The following TNS3 variants were observed in gnomAD, a reference collection of about 807,000 sequenced individuals.
TNS3 encodes the protein tensin-3.
In TNS3, 45 loss-of-function variants were observed where a neutral mutation model predicts 140.9. That is an observed-to-expected ratio of 0.32 (90% CI 0.25 to 0.41). TNS3 has a LOEUF of 0.41. Ranked by LOEUF, TNS3 falls within the 10% of genes least tolerant of loss-of-function variation. The probability of loss-of-function intolerance (pLI) is 1.00; values close to 1 mark genes in which losing one functional copy is unlikely to be tolerated. For missense variants in TNS3, 1,716 were observed against 1,906.7 expected, an observed-to-expected ratio of 0.90 and a Z score of 1.86; for synonymous variants, 815 against 788.4, an observed-to-expected ratio of 1.03 and a Z score of -0.56.
chr7:47,452,480 T>C (rs1796058356), intron 4 of TNS3, among the ~76,000 whole-genome samples: 1 of 152,212 alleles, frequency 6.6e-6, no homozygotes, highest in Non-Finnish European at 1.5e-5. Flanking sequence ...CATTTTACCT[T>C]CATGTTCAAC....
intron 2 of TNS3, among the ~76,000 whole-genome samples, chr7:47,510,357 A>T (rs1470847293): frequency 2.0e-5 from 3 of 152,198 alleles, no homozygotes; most frequent in African/African-American, 7.2e-5. Flanking sequence ...TTTGACCCTC[A>T]GCCAGGCAGA....
At chr7:47,513,296 G>T (rs1798670631) in intron 2 of TNS3, among the ~76,000 whole-genome samples, 1 of 151,972 alleles carries the variant, frequency 6.6e-6, no homozygotes, top group Admixed American at 6.6e-5. Context: ...CAGCCTCTAG[G>T]GTAGCTGGGA....
chr7:47,577,769 G>A (rs1381358923), intron 1 of TNS3, among the ~76,000 whole-genome samples: 6 of 152,144 alleles, frequency 3.9e-5, no homozygotes, highest in South Asian at 2.1e-4. Flanking sequence ...TGTTAGCCGC[G>A]TTATTAGGCT....
intron 18 of TNS3, 91 bp downstream of exon 18, chr7:47,346,096 A>G: frequency 6.6e-7 from 1 of 1,517,604 alleles, no homozygotes; most frequent in Non-Finnish European, 9.0e-7. Flanking sequence ...ATTCAGGGAC[A>G]AGGCCTGGTC....
At chr7:47,460,858 A>G (rs912932866) in intron 4 of TNS3, among the ~76,000 whole-genome samples, 4 of 152,260 alleles carry the variant, frequency 2.6e-5, no homozygotes, top group African/African-American at 4.8e-5. Flanking sequence ...CAAGATATCC[A>G]ACTACTTTCA....
chr7:47,367,038 G>A (rs1388694249), intron 17 of TNS3, among the ~76,000 whole-genome samples: 1 of 152,174 alleles, frequency 6.6e-6, no homozygotes, highest in African/African-American at 2.4e-5. Flanking sequence ...AATGTGGGAG[G>A]CCCTGGCACC....
chr7:47,554,047 C>T lies in TNS3; in HGVS notation c.-264-24900G>A, dbSNP rs530877946. Among the ~76,000 whole-genome samples the T allele has an allele frequency of 3.4e-3, 519 of 151,554 alleles. 5 individuals carry two copies. Among genetic ancestry groups the T allele is most frequent in the Non-Finnish European group, 5.0e-3 (340 of 67,854 alleles). ...CTCGAACGCCTGACCTCAGGTGATC[C>T]GCCCACCTCGGCCTCCCAAAGTGCT... On this transcript the variant is annotated intron_variant, in intron 1 of 30. Transcript: ENST00000311160.
In TNS3 at chr7:47,278,261, A is replaced by G. The variant is rs78924787; in HGVS notation, c.4194-41T>C. ...CCAGTCAGAGTGGTCAGTGTCCCAC[A>G]AAGTACCAAGCTTCTACTTCCTCCA... On this transcript the variant is annotated intron_variant, in intron 30 of 30. Coordinates refer to ENST00000311160, the MANE Select transcript of TNS3 (RefSeq NM_022748.12). The G allele has an allele frequency of 6.5e-4, 1,029 of 1,593,238 alleles. 17 individuals are homozygous for G. The East Asian group carries it at 0.021, about 33-fold the overall frequency.
chr7:47,492,339 C>T (rs900508083), intron 3 of TNS3, among the ~76,000 whole-genome samples: 1 of 152,262 alleles, frequency 6.6e-6, no homozygotes, highest in Non-Finnish European at 1.5e-5. Context: ...AGCCGCATAT[C>T]GGCAGGCTGC....
chr7:47,533,429 C>CCT (rs531596121), intron 1 of TNS3, among the ~76,000 whole-genome samples: 44,117 of 143,888 alleles, frequency 0.31, 6,800 homozygotes, highest in East Asian at 0.47. Flanking sequence ...CGCACCTGGC[C>CCT]TTTTTTTTTT....
intron 3 of TNS3, among the ~76,000 whole-genome samples, chr7:47,498,883 C>T (rs994843418): frequency 3.9e-5 from 6 of 152,218 alleles, no homozygotes; most frequent in Non-Finnish European, 8.8e-5. Flanking sequence ...CCGCAGATGC[C>T]GAGACGGTGC....
intron 1 of TNS3, among the ~76,000 whole-genome samples, chr7:47,576,263 T>C (rs1800672965): frequency 6.6e-6 from 1 of 152,062 alleles, no homozygotes; most frequent in African/African-American, 2.4e-5. Context: ...AGGACCAAAG[T>C]ACACTGGGCC....
intron 8 of TNS3, 93 bp from the exon 9 acceptor site, chr7:47,428,469 T>G (rs1794768504): frequency 1.1e-6 from 1 of 923,732 alleles, no homozygotes; most frequent in Non-Finnish European, 1.5e-6. Context: ...GACAAAACAA[T>G]AGAGAGCCTG....
intron 4 of TNS3, among the ~76,000 whole-genome samples, chr7:47,472,487 C>G (rs746155896): frequency 1.3e-5 from 2 of 152,162 alleles, no homozygotes; most frequent in Admixed American, 1.3e-4. Flanking sequence ...GAGAAAGGCA[C>G]GTGCACAGGG....
intron 1 of TNS3, among the ~76,000 whole-genome samples, chr7:47,547,116 G>C (rs553785906): frequency 4.9e-4 from 74 of 152,328 alleles, no homozygotes; most frequent in African/African-American, 1.7e-3. Context: ...AGGGAGCAGA[G>C]AGAAGATAAA....
chr7:47,464,167 C>T (rs916247420), intron 4 of TNS3, among the ~76,000 whole-genome samples: 2 of 152,180 alleles, frequency 1.3e-5, no homozygotes, highest in South Asian at 2.1e-4. Context: ...CTTCTAAAGA[C>T]GTGCACTTCT....
chr7:47,423,095 C>T (rs1265347213), intron 10 of TNS3, among the ~76,000 whole-genome samples: 2 of 152,136 alleles, frequency 1.3e-5, no homozygotes, highest in Non-Finnish European at 2.9e-5. Context: ...GCTTGAAATC[C>T]CTTTCTGCCC....
intron 16 of TNS3, among the ~76,000 whole-genome samples, chr7:47,379,751 A>T (rs1272613578): frequency 6.6e-6 from 1 of 151,992 alleles, no homozygotes; most frequent in African/African-American, 2.4e-5. Flanking sequence ...CCCAAACCCA[A>T]ATCACCCTCT....
intron 16 of TNS3, among the ~76,000 whole-genome samples, chr7:47,383,881 C>G (rs1017194542): frequency 1.3e-5 from 2 of 152,214 alleles, no homozygotes; most frequent in African/African-American, 4.8e-5. Context: ...CTAGACAGAT[C>G]AGGGTGTGGC....
Sources: allele counts gnomAD v4.1 joint callset (sites outside exome capture counted in the v4.1 genomes callset), GRCh38; gene constraint gnomAD v4.1.1; transcripts MANE v1.5; gene names NCBI Gene and HGNC (gene_info 2026-07-23, HGNC 2026-07-21).